PLD5: variants seen among roughly 807,000 people sequenced by gnomAD.
PLD5 encodes the protein phospholipase D family member 5.
In PLD5, 36 loss-of-function variants were observed where a neutral mutation model predicts 61.1. The observed-to-expected ratio is 0.59, with a 90% CI of 0.45 to 0.78. The LOEUF (loss-of-function observed/expected upper bound fraction) is 0.78, where lower values mean the gene tolerates loss of function less well. Among genes scored for constraint, PLD5 ranks in the 30% least tolerant of loss-of-function variants. The probability of loss-of-function intolerance (pLI) is 0.00; values close to 1 mark genes in which losing one functional copy is unlikely to be tolerated. For missense variants in PLD5, 515 were observed against 644.4 expected (o/e 0.80, Z 2.17); for synonymous variants, 243 against 242.8 (o/e 1.00, Z -0.01).
At chr1:242,505,326 A>C (rs1212405272) in intron 1 of PLD5, among the ~76,000 whole-genome samples, 1 of 152,200 alleles carries the variant, frequency 6.6e-6, no homozygotes, top group African/African-American at 2.4e-5. Flanking sequence ...GGAAGGTTTA[A>C]TTAGACCCCA....
intron 5 of PLD5, among the ~76,000 whole-genome samples, chr1:242,150,192 A>T (rs1253349098): frequency 6.6e-6 from 1 of 151,608 alleles, no homozygotes; most frequent in Non-Finnish European, 1.5e-5. Flanking sequence ...TTATAATTTC[A>T]ATTTTTGAAA....
intron 1 of PLD5, among the ~76,000 whole-genome samples, chr1:242,500,657 C>T (rs1426563256): frequency 6.6e-6 from 1 of 152,092 alleles, no homozygotes; most frequent in Non-Finnish European, 1.5e-5. Flanking sequence ...GAATCAAACT[C>T]CTGCCGTGAG....
At chr1:242,486,090 T>C (rs1305364946) in intron 1 of PLD5, among the ~76,000 whole-genome samples, 1 of 152,014 alleles carries the variant, frequency 6.6e-6, no homozygotes, top group African/African-American at 2.4e-5. Flanking sequence ...ACTTAAATGT[T>C]AGACCTAAAA....
chr1:242,159,557 T>TACGGTTCTCCGAGGTGGGGC (rs1558286404), intron 5 of PLD5, among the ~76,000 whole-genome samples: 1 of 152,050 alleles, frequency 6.6e-6, no homozygotes, highest in Admixed American at 6.6e-5. Flanking sequence ...CGAGGTGGGG[T>TACGGTTCTCCGAGGTGGGGC]ACGGTTCTCC....
At chr1:242,487,994 T>C (rs745423041) in intron 1 of PLD5, among the ~76,000 whole-genome samples, 8 of 152,158 alleles carry the variant, frequency 5.3e-5, no homozygotes, top group Non-Finnish European at 1.2e-4. Context: ...TTTTAAAACA[T>C]GTATGTATGT....
intron 5 of PLD5, among the ~76,000 whole-genome samples, chr1:242,145,984 A>G (rs1033885966): frequency 6.6e-6 from 1 of 152,182 alleles, no homozygotes. Flanking sequence ...TCATTTGCCA[A>G]TTTACTTAAA....
At chr1:242,325,548 A>G (rs113148944) in intron 2 of PLD5, among the ~76,000 whole-genome samples, 1 of 151,914 alleles carries the variant, frequency 6.6e-6, no homozygotes, top group Non-Finnish European at 1.5e-5. Context: ...GCCAGGCTGG[A>G]GTGCAGTGGC....
intron 4 of PLD5, among the ~76,000 whole-genome samples, chr1:242,236,644 T>C (rs1671657905): frequency 6.6e-6 from 1 of 152,224 alleles, no homozygotes; most frequent in Non-Finnish European, 1.5e-5. Flanking sequence ...GGGAAATCTT[T>C]TATTCTACAA....
intron 4 of PLD5, among the ~76,000 whole-genome samples, chr1:242,238,712 T>TA (rs909640410): frequency 2.0e-5 from 3 of 152,156 alleles, no homozygotes; most frequent in African/African-American, 7.2e-5. Flanking sequence ...ACGCTTATAC[T>TA]AAAAAAATCA....
rs183362593 is a variant in PLD5, at chr1:242,357,222, T to G, written c.190-8980A>C. On this transcript the variant is annotated intron_variant, in intron 1 of 9. Coordinates refer to ENST00000536534, the MANE Select transcript of PLD5 (RefSeq NM_001372062.1). ...TCTTGGTTGGCAGGGTTGTTTTTTG[T>G]TTTTTTTTCATTCAGCACTTTGAAA... 1.4e-3 allele frequency among the ~76,000 whole-genome samples: 206 copies of G among 150,538 alleles called. 3 individuals carry two copies. In the East Asian group the frequency reaches 0.02, roughly 15 times the overall value.
chr1:242,294,321 T>C (rs1214338234), intron 2 of PLD5, among the ~76,000 whole-genome samples: 6 of 152,230 alleles, frequency 3.9e-5, no homozygotes, highest in Admixed American at 3.9e-4. Flanking sequence ...ATTCGAACTG[T>C]TCTTATTAAT....
intron 5 of PLD5, among the ~76,000 whole-genome samples, chr1:242,184,589 G>T (rs1354714530): frequency 6.6e-6 from 1 of 151,994 alleles, no homozygotes; most frequent in Non-Finnish European, 1.5e-5. Context: ...GGCTAGTCTC[G>T]AACTCCTGTC....
intron 5 of PLD5, among the ~76,000 whole-genome samples, chr1:242,199,219 T>G (rs1421233917): frequency 1.3e-5 from 2 of 152,152 alleles, no homozygotes; most frequent in African/African-American, 4.8e-5. Flanking sequence ...CAGCACTGCT[T>G]TATTTTTTTA....
intron 5 of PLD5, among the ~76,000 whole-genome samples, chr1:242,191,641 C>T (rs1477776877): frequency 6.6e-6 from 1 of 151,996 alleles, no homozygotes; most frequent in African/African-American, 2.4e-5. Flanking sequence ...GAAAAAGGAA[C>T]AAACCCAGAT....
intron 4 of PLD5, among the ~76,000 whole-genome samples, chr1:242,224,348 C>A (rs1464419392): frequency 6.6e-6 from 1 of 151,790 alleles, no homozygotes; most frequent in Non-Finnish European, 1.5e-5. Context: ...TAATTTTAGG[C>A]CTTTTTTTTA....
chr1:242,418,964 T>C (rs1453004314), intron 1 of PLD5, among the ~76,000 whole-genome samples: 24 of 152,126 alleles, frequency 1.6e-4, no homozygotes, highest in Admixed American at 1.6e-3. Flanking sequence ...AATATTTTAG[T>C]TCCCTGGCTG....
At chr1:242,429,940 C>T (rs1420133096) in intron 1 of PLD5, among the ~76,000 whole-genome samples, 1 of 131,860 alleles carries the variant, frequency 7.6e-6, no homozygotes, top group Non-Finnish European at 1.7e-5. Flanking sequence ...GTAGCCAACT[C>T]ATGCCCCAAC....
chr1:242,091,167 A>T (rs533055921), intron 9 of PLD5, among the ~76,000 whole-genome samples: 2 of 152,254 alleles, frequency 1.3e-5, no homozygotes, highest in African/African-American at 4.8e-5. Context: ...CACACTAATG[A>T]TCTCATTTTA....
intron 5 of PLD5, among the ~76,000 whole-genome samples, chr1:242,141,014 C>T (rs1189944651): frequency 6.6e-6 from 1 of 152,190 alleles, no homozygotes; most frequent in Non-Finnish European, 1.5e-5. Flanking sequence ...CCAAGTCCCT[C>T]TGTGGTTTCT....
Sources: gnomAD v4.1 joint callset for allele counts (sites outside exome capture counted in the v4.1 genomes callset) on GRCh38, gnomAD v4.1.1 for gene constraint, MANE v1.5 for transcripts, NCBI Gene and HGNC (gene_info 2026-07-23, HGNC 2026-07-21) for gene names.